The following ZMPSTE24 variants were observed in gnomAD, a reference collection of about 807,000 sequenced individuals.
The protein encoded by ZMPSTE24 is CAAX prenyl protease 1 homolog.
A neutral mutation model predicts 56.7 loss-of-function variants in ZMPSTE24; 48 were observed. The ratio of observed to expected loss-of-function variants is 0.85; its 90% CI spans 0.67 to 1.08. The LOEUF is 1.08. ZMPSTE24 is among the 50% of genes least tolerant of loss of function. The pLI is 0.00. For synonymous variants in ZMPSTE24, 172 were observed against 195.2 expected (o/e 0.88, Z 0.99); for missense variants, 503 against 548.7 (o/e 0.92, Z 0.83).
intron 2 of ZMPSTE24, among the ~76,000 whole-genome samples, chr1:40,261,509 C>T (rs1202829529): frequency 3.3e-5 from 5 of 152,074 alleles, no homozygotes; most frequent in Admixed American, 2.0e-4. Flanking sequence ...GCCACCATAC[C>T]GTCTCAGAGT....
chr1:40,279,489 A>G (rs1643705596), intron 6 of ZMPSTE24, among the ~76,000 whole-genome samples: 1 of 151,698 alleles, frequency 6.6e-6, no homozygotes, highest in Admixed American at 6.6e-5. Flanking sequence ...GTAGGGTAAA[A>G]CTCTGTGCTT....
chr1:40,273,167 A>G (rs761025097), intron 6 of ZMPSTE24, among the ~76,000 whole-genome samples: 28 of 152,180 alleles, frequency 1.8e-4, no homozygotes, highest in Non-Finnish European at 2.9e-5. Context: ...TTAGAGGAGA[A>G]CAGAGATGGT....
chr1:40,272,448 TAAAC>T (rs1315099350), intron 6 of ZMPSTE24, among the ~76,000 whole-genome samples: 8 of 152,322 alleles, frequency 5.3e-5, no homozygotes, highest in Non-Finnish European at 1.2e-4. Flanking sequence ...TGGAGGCTCT[TAAAC>T]AAAGCCAGTG....
chr1:40,278,966 T>G (rs1643700330), intron 6 of ZMPSTE24, among the ~76,000 whole-genome samples: 1 of 152,016 alleles, frequency 6.6e-6, no homozygotes, highest in African/African-American at 2.4e-5. Flanking sequence ...CTGGGCAACA[T>G]AGCAAGACCC....
intron 4 of ZMPSTE24, among the ~76,000 whole-genome samples, chr1:40,269,733 T>C (rs1281679709): frequency 6.6e-6 from 1 of 152,218 alleles, no homozygotes; most frequent in African/African-American, 2.4e-5. Context: ...TCCAAAGTGC[T>C]GGAATTACAG....
At chr1:40,273,536 AAATATATATATATATAT>A (rs1328200318) in intron 6 of ZMPSTE24, among the ~76,000 whole-genome samples, 44 of 74,336 alleles carry the variant, frequency 5.9e-4, no homozygotes, top group South Asian at 9.1e-4. Flanking sequence ...AAAAAAAAAA[AAATATATATATATATAT>A]ATATATATAT....
intron 6 of ZMPSTE24, among the ~76,000 whole-genome samples, chr1:40,275,490 G>A (rs570004177): frequency 6.3e-4 from 96 of 151,676 alleles, no homozygotes; most frequent in Middle Eastern, 3.4e-3. Context: ...GGTGGCTCAC[G>A]CCTGTAATCC....
intron 2 of ZMPSTE24, among the ~76,000 whole-genome samples, chr1:40,265,770 T>C (rs1446128746): frequency 6.6e-6 from 1 of 152,230 alleles, no homozygotes; most frequent in Non-Finnish European, 1.5e-5. Flanking sequence ...TAGAAACTGC[T>C]GGGCCCCACT....
Position 40,292,608 on chromosome 1 carries a change from A to G in ZMPSTE24, c.1367A>G (p.His456Arg), listed in dbSNP as rs1569671842. ...PVSDWLFSMW[H>R]YSHPPLLERL... ...TCTGACTGGTTGTTCTCAATGTGGCATTATTCTCATCCTCCACTGCTAGAG... is the reference window on the plus strand; with the variant it reads ...TCTGACTGGTTGTTCTCAATGTGGCGTTATTCTCATCCTCCACTGCTAGAG... Residue 456 changes from histidine (H) to arginine (R), a missense_variant, in exon 10 of 10, where the codon CAT (histidine) becomes CGT (arginine). Transcript: ENST00000372759. 1 of 1,614,136 alleles carries G rather than the reference A, an allele frequency of 6.2e-7. No homozygotes were observed. The highest frequency in any genetic ancestry group is 1.3e-5 in the African/African-American group (1 of 75,048).
intron 6 of ZMPSTE24, among the ~76,000 whole-genome samples, chr1:40,275,307 G>A (rs531190500): frequency 6.2e-5 from 9 of 144,532 alleles, no homozygotes; most frequent in East Asian, 2.2e-4. Flanking sequence ...GGTGGCGGGC[G>A]CCTGTAGTCC....
rs774567122 is a variant in ZMPSTE24 at position 40,270,086 on chromosome 1, T to G, written c.586T>G (p.Phe196Val). ...CATTATTAAAATTGGGGGTGACTAT[T>G]TTTTTATTTATGCCTGGCTGTTCAC... ...LYIIKIGGDY[F>V]FIYAWLFTLV... is the part of the protein sequence containing the mutation. Residue 196 changes from phenylalanine to valine, a missense_variant, in exon 5 of 10, where the codon TTT becomes GTT. By Grantham distance (50) the Phe-to-Val change is conservative. Transcript: ENST00000372759. 4 of 1,613,894 alleles carry G rather than the reference T, an allele frequency of 2.5e-6. No homozygotes were observed. In the South Asian group the frequency reaches 3.3e-5, roughly 13 times the overall value.
At chr1:40,267,903 G>A (rs757736344) in intron 3 of ZMPSTE24, 31 bp downstream of exon 3, 2 of 1,587,108 alleles carry the variant, frequency 1.3e-6, no homozygotes, top group South Asian at 2.2e-5. Flanking sequence ...TATTTGTCAT[G>A]GTATTTCTTT....
intron 2 of ZMPSTE24, among the ~76,000 whole-genome samples, chr1:40,263,459 G>T (rs1307644519): frequency 6.6e-6 from 1 of 152,164 alleles, no homozygotes; most frequent in Non-Finnish European, 1.5e-5. Context: ...TAATAAGTAG[G>T]ATAACTGGGT....
intron 6 of ZMPSTE24, among the ~76,000 whole-genome samples, chr1:40,275,290 C>T (rs867378134): frequency 4.2e-5 from 6 of 144,240 alleles, no homozygotes; most frequent in African/African-American, 1.3e-4. Flanking sequence ...AAAAAAAAGC[C>T]GGGCGTGGTG....
chr1:40,270,840 C>A (rs1365010218), intron 5 of ZMPSTE24, among the ~76,000 whole-genome samples: 1 of 152,180 alleles, frequency 6.6e-6, no homozygotes, highest in Non-Finnish European at 1.5e-5. Flanking sequence ...TGTTCAGGGC[C>A]AGGCACAGTG....
Position 40,292,775 on chromosome 1 carries a change from C to A in ZMPSTE24, c.*106C>A. 2.2e-6 allele frequency: 2 copies of A among 900,432 alleles called. No individual in the cohort carries two copies. Among genetic ancestry groups the A allele is most frequent in the Non-Finnish European group, 3.5e-6 (2 of 571,572 alleles). The allele number at this position is 900,432 out of a possible 1,614,324, so 55.8% of individuals were successfully genotyped here. Reference sequence around the variant, plus strand: ...TTTTTTTTAGAAGAAAAATTAAGTACAGAAAAGCCCAGATTTAAATACATT... The same window carrying A: ...TTTTTTTTAGAAGAAAAATTAAGTAAAGAAAAGCCCAGATTTAAATACATT... On this transcript the variant is annotated 3_prime_UTR_variant, in exon 10 of 10. Transcript: ENST00000372759.
At position 40,277,883 on chromosome 1, in the gene ZMPSTE24, C is replaced by A. The variant is rs142221785; in HGVS notation, c.770-3460C>A. Among the ~76,000 whole-genome samples, 534 of 147,112 alleles carry A rather than the reference C, an allele frequency of 3.6e-3. 12 individuals carry two copies. The highest frequency in any genetic ancestry group is 0.032 in the East Asian group (155 of 4,880). ...ACCCAGGAGGTTGAGGCAGGAGAATCGCTGGAACCCGGGAGGCGGAGGCTG... is the reference window on the plus strand; with the variant it reads ...ACCCAGGAGGTTGAGGCAGGAGAATAGCTGGAACCCGGGAGGCGGAGGCTG... On this transcript the variant is annotated intron_variant, in intron 6 of 9. Coordinates refer to ENST00000372759, the MANE Select transcript of ZMPSTE24 (RefSeq NM_005857.5).
intron 2 of ZMPSTE24, among the ~76,000 whole-genome samples, chr1:40,266,038 T>C (rs1355254786): frequency 6.6e-6 from 1 of 152,182 alleles, no homozygotes; most frequent in Non-Finnish European, 1.5e-5. Context: ...TAATACCAAA[T>C]AAAGTTGAAG....
intron 2 of ZMPSTE24, 121 bp from the exon 3 acceptor site, chr1:40,267,665 G>T: frequency 1.3e-6 from 1 of 770,956 alleles, no homozygotes. Context: ...CCACCGTACT[G>T]GCCTCTTTTG....
Sources: gnomAD v4.1 joint callset for allele counts (sites outside exome capture counted in the v4.1 genomes callset) on GRCh38, gnomAD v4.1.1 for gene constraint, MANE v1.5 for transcripts, NCBI Gene and HGNC (gene_info 2026-07-23, HGNC 2026-07-21) for gene names.